Variants in ARSB observed in about 807,000 individuals in gnomAD.
ARSB encodes the protein arylsulfatase B.
A neutral mutation model predicts 50.9 loss-of-function variants in ARSB; 41 were observed. The observed-to-expected ratio is 0.81, with a 90% confidence interval of 0.63 to 1.04. The LOEUF is 1.04. ARSB is among the 50% of genes least tolerant of loss of function. ARSB has a pLI of 0.00. For synonymous variants in ARSB, 269 were observed against 284.8 expected, an observed-to-expected ratio of 0.94 and a Z score of 0.56; for missense variants, 672 against 693.3, an observed-to-expected ratio of 0.97 and a Z score of 0.35.
chr5:78,816,719 G>A (rs916002643), intron 6 of ARSB, among the ~76,000 whole-genome samples: 1 of 152,212 alleles, frequency 6.6e-6, no homozygotes, highest in African/African-American at 2.4e-5. Context: ...TCAACAAGAG[G>A]AAGCTTCTCC....
intron 2 of ARSB, 101 bp downstream of exon 2, chr5:78,968,905 G>A: frequency 7.4e-7 from 1 of 1,344,896 alleles, no homozygotes; most frequent in Non-Finnish European, 1.1e-6. Context: ...TTCACTCTGT[G>A]TTCAAATATC....
intron 4 of ARSB, among the ~76,000 whole-genome samples, chr5:78,951,128 T>C (rs1751478643): frequency 6.6e-6 from 1 of 152,140 alleles, no homozygotes; most frequent in Non-Finnish European, 1.5e-5. Flanking sequence ...CTGATAATCC[T>C]AGCATTTTGG....
intron 6 of ARSB, among the ~76,000 whole-genome samples, chr5:78,837,251 G>A (rs1374075284): frequency 2.0e-5 from 3 of 152,164 alleles, no homozygotes; most frequent in African/African-American, 7.2e-5. Flanking sequence ...ATTATAATGT[G>A]GGTGGCATAT....
rs373973614 is a variant in ARSB at position 78,902,870 on chromosome 5, T to C, written c.899-17043A>G. ...TGATGATTGCACAACTTTGTGAATA[T>C]ACTAAAAACCAGTGAACTGTATACT... is the stretch of plus-strand genomic sequence containing the variant. On this transcript the variant is annotated intron_variant, in intron 4 of 7. Coordinates refer to ENST00000264914, the MANE Select transcript of ARSB (RefSeq NM_000046.5). 7.2e-5 allele frequency among the ~76,000 whole-genome samples: 11 copies of C among 152,294 alleles called. No homozygotes were observed. The East Asian group carries it at 1.5e-3, about 21-fold the overall frequency.
intron 5 of ARSB, among the ~76,000 whole-genome samples, chr5:78,872,397 C>G (rs1747246309): frequency 7.2e-6 from 1 of 139,612 alleles, no homozygotes; most frequent in Non-Finnish European, 1.6e-5. Flanking sequence ...TTCACAATAG[C>G]AAAGACTTGG....
intron 6 of ARSB, among the ~76,000 whole-genome samples, chr5:78,801,657 T>C (rs1352397914): frequency 6.6e-6 from 1 of 152,126 alleles, no homozygotes; most frequent in Non-Finnish European, 1.5e-5. Flanking sequence ...TCTGACCACA[T>C]TTCTCGGCCT....
At chr5:78,920,049 A>AG (rs1749730871) in intron 4 of ARSB, among the ~76,000 whole-genome samples, 1 of 151,962 alleles carries the variant, frequency 6.6e-6, no homozygotes, top group African/African-American at 2.4e-5. Flanking sequence ...AGGGAAAAAA[A>AG]GGCCAGCTTC....
At chr5:78,973,059 C>T (rs887134022) in intron 1 of ARSB, among the ~76,000 whole-genome samples, 5 of 152,102 alleles carry the variant, frequency 3.3e-5, no homozygotes, top group African/African-American at 4.8e-5. Flanking sequence ...AGGCAAATGC[C>T]GAACTGGTTC....
intron 6 of ARSB, among the ~76,000 whole-genome samples, chr5:78,791,418 C>G (rs1246042996): frequency 1.3e-5 from 2 of 152,242 alleles, no homozygotes; most frequent in Non-Finnish European, 2.9e-5. Flanking sequence ...TGGCTGACCA[C>G]TTCTTTATGG....
chr5:78,835,278 G>T (rs1744899988), intron 6 of ARSB, among the ~76,000 whole-genome samples: 2 of 152,148 alleles, frequency 1.3e-5, no homozygotes, highest in Non-Finnish European at 2.9e-5. Context: ...GGGCCTCTGG[G>T]CACCCTATAA....
At chr5:78,826,053 C>CCT (rs568989156) in intron 6 of ARSB, among the ~76,000 whole-genome samples, 2 of 145,414 alleles carry the variant, frequency 1.4e-5, no homozygotes, top group East Asian at 4.0e-4. Context: ...CTTTTTCTTT[C>CCT]TTTTTTTTTT....
rs1064793026 is a variant in ARSB, at chr5:78,985,049, A to T, written c.200T>A (p.Ile67Asn). 5 of 1,541,902 alleles carry T rather than the reference A, an allele frequency of 3.2e-6. No homozygotes were observed. In the South Asian group the frequency reaches 6.0e-5, roughly 18 times the overall value. The part of the protein sequence containing the change: ...WNDVGFHGSR[I>N]RTPHLDALAA... The stretch of plus-strand genomic sequence containing the variant: ...CAGCGCGTCCAGGTGCGGCGTGCGG[A>T]TGCGGGAGCCGTGGAAGCCGACGTC... The change falls in exon 1 of 8, where the codon ATC becomes AAC. Residue 67 changes from isoleucine (I) to asparagine (N), a missense_variant. Coordinates refer to ENST00000264914, the MANE Select transcript of ARSB (RefSeq NM_000046.5).
At chr5:78,802,443 G>A (rs987340965) in intron 6 of ARSB, among the ~76,000 whole-genome samples, 1 of 152,094 alleles carries the variant, frequency 6.6e-6, no homozygotes, top group Non-Finnish European at 1.5e-5. Flanking sequence ...ACCTAGCACC[G>A]TGTGGGTGTT....
intron 4 of ARSB, among the ~76,000 whole-genome samples, chr5:78,927,916 G>A (rs1380222205): frequency 6.6e-6 from 1 of 152,176 alleles, no homozygotes; most frequent in Non-Finnish European, 1.5e-5. Flanking sequence ...AGATGAAATT[G>A]AAGACTCAAG....
At chr5:78,918,863 G>A (rs1376923143) in intron 4 of ARSB, among the ~76,000 whole-genome samples, 4 of 152,114 alleles carry the variant, frequency 2.6e-5, no homozygotes. Context: ...AGCATTAAGT[G>A]CCTGAACATT....
chr5:78,810,021 G>A (rs919796901), intron 6 of ARSB, among the ~76,000 whole-genome samples: 9 of 152,216 alleles, frequency 5.9e-5, no homozygotes, highest in Non-Finnish European at 4.4e-5. Flanking sequence ...CCTTGATCCG[G>A]TAGTGAGTTC....
chr5:78,781,990 T>G lies in ARSB; in HGVS notation c.1214-16A>C, dbSNP rs1256665965. On this transcript the variant is annotated splice_polypyrimidine_tract_variant and intron_variant, in intron 6 of 7. Coordinates refer to ENST00000264914, the MANE Select transcript of ARSB (RefSeq NM_000046.5). Reference sequence around the variant, plus strand: ...TTCCTGGGACCTGGGAAGAAATAGTTTGAAAGAATTAGATCACTGTTATTG... The same window carrying G: ...TTCCTGGGACCTGGGAAGAAATAGTGTGAAAGAATTAGATCACTGTTATTG... The G allele has an allele frequency of 1.2e-6, 2 of 1,613,928 alleles. No homozygotes were observed. The highest frequency in any genetic ancestry group is 2.7e-5 in the African/African-American group (2 of 74,932).
At chr5:78,938,678 C>T (rs1750747819) in intron 4 of ARSB, among the ~76,000 whole-genome samples, 1 of 152,130 alleles carries the variant, frequency 6.6e-6, no homozygotes, top group African/African-American at 2.4e-5. Flanking sequence ...CTTGAATGAG[C>T]TCTCTCTTTG....
chr5:78,948,071 C>T (rs374005250), intron 4 of ARSB, among the ~76,000 whole-genome samples: 69 of 151,736 alleles, frequency 4.5e-4, no homozygotes, highest in African/African-American at 1.6e-3. Context: ...TTTGTAAGAG[C>T]TAAAAATTAA....
Sources: allele counts gnomAD v4.1 joint callset (sites outside exome capture counted in the v4.1 genomes callset), GRCh38; gene constraint gnomAD v4.1.1; transcripts MANE v1.5; gene names NCBI Gene and HGNC (gene_info 2026-07-23, HGNC 2026-07-21).